Variants in TIAM1 observed in about 807,000 individuals in gnomAD.
The protein encoded by TIAM1 is rho guanine nucleotide exchange factor TIAM1.
A neutral mutation model predicts 163.5 loss-of-function variants in TIAM1; 65 were observed. That is an observed-to-expected ratio of 0.40 (90% CI 0.33 to 0.49). TIAM1 has a LOEUF of 0.49. Among genes scored for constraint, TIAM1 ranks in the 20% least tolerant of loss-of-function variants. TIAM1 has a pLI of 0.77. For missense variants in TIAM1, 1,789 were observed against 2,044.7 expected (o/e 0.87, Z 2.41); for synonymous variants, 833 against 810.1 (o/e 1.03, Z -0.48).
At chr21:31,127,037 G>A (rs565855022) in intron 26 of TIAM1, 28 bp downstream of exon 26, 137 of 1,610,198 alleles carry the variant, frequency 8.5e-5, no homozygotes, top group South Asian at 8.5e-4. Context: ...ATGTCAACAC[G>A]GCCTCGACTT....
At chr21:31,445,654 C>T (rs1301416430) in intron 2 of TIAM1, among the ~76,000 whole-genome samples, 2 of 152,160 alleles carry the variant, frequency 1.3e-5, no homozygotes, top group African/African-American at 4.8e-5. Context: ...ATCCAAAGAC[C>T]TGTTCTCTTC....
chr21:31,201,942 A>T (rs1489770693), intron 12 of TIAM1, among the ~76,000 whole-genome samples: 1 of 152,212 alleles, frequency 6.6e-6, no homozygotes, highest in Admixed American at 6.5e-5. Context: ...AAGTAAGCAT[A>T]TTATCTCTAA....
At chr21:31,440,532 C>A (rs938758772) in intron 2 of TIAM1, among the ~76,000 whole-genome samples, 7 of 152,148 alleles carry the variant, frequency 4.6e-5, no homozygotes, top group Non-Finnish European at 8.8e-5. Context: ...TGTCCTGGTC[C>A]CAGATCAGTG....
intron 2 of TIAM1, among the ~76,000 whole-genome samples, chr21:31,298,340 T>C (rs2074369328): frequency 6.6e-6 from 1 of 152,236 alleles, no homozygotes; most frequent in Non-Finnish European, 1.5e-5. Flanking sequence ...TAGTGTTTTC[T>C]AAACTTTCTT....
At chr21:31,444,872 C>T (rs1017364856) in intron 2 of TIAM1, among the ~76,000 whole-genome samples, 4 of 152,126 alleles carry the variant, frequency 2.6e-5, no homozygotes, top group African/African-American at 7.2e-5. Context: ...GTCGCACATG[C>T]CTGTAATCCC....
chr21:31,222,701 ATATATATTTTTTTTTTT>A (rs1272280586), intron 8 of TIAM1, among the ~76,000 whole-genome samples: 119 of 46,394 alleles, frequency 2.6e-3, no homozygotes, highest in African/African-American at 0.012. Flanking sequence ...ATATATATAT[ATATATATTTTTTTTTTT>A]TTTTTTTTTT....
chr21:31,337,248 A>G (rs1413462227), intron 2 of TIAM1, among the ~76,000 whole-genome samples: 1 of 152,140 alleles, frequency 6.6e-6, no homozygotes, highest in African/African-American at 2.4e-5. Flanking sequence ...CCAGGGCAAG[A>G]TAAGACCTCA....
intron 6 of TIAM1, among the ~76,000 whole-genome samples, chr21:31,234,838 T>A (rs767081486): frequency 4.0e-5 from 6 of 150,802 alleles, no homozygotes; most frequent in Non-Finnish European, 8.9e-5. Context: ...TAAAAAAGGA[T>A]CAGAACACCA....
At chr21:31,199,261 G>A (rs933766413) in intron 12 of TIAM1, among the ~76,000 whole-genome samples, 2 of 152,090 alleles carry the variant, frequency 1.3e-5, no homozygotes, top group Non-Finnish European at 2.9e-5. Flanking sequence ...GCCTTCTATG[G>A]GCCCTGGCTG....
intron 2 of TIAM1, among the ~76,000 whole-genome samples, chr21:31,411,768 GC>G (rs2077362847): frequency 6.6e-6 from 1 of 152,142 alleles, no homozygotes; most frequent in African/African-American, 2.4e-5. Flanking sequence ...GAGCTACCAT[GC>G]CCAGCCCCAA....
intron 2 of TIAM1, among the ~76,000 whole-genome samples, chr21:31,314,174 G>C (rs762201663): frequency 1.3e-5 from 2 of 152,296 alleles, no homozygotes; most frequent in South Asian, 2.1e-4. Context: ...AGAAAAGTGA[G>C]GCCAAGGAGG....
Position 31,215,708 on chromosome 21 carries a change from AT to A in TIAM1, c.2142+1844del, listed in dbSNP as rs1246071882. On this transcript the variant is annotated intron_variant, in intron 9 of 27. Transcript: ENST00000541036. The stretch of plus-strand genomic sequence containing the variant: ...CTTTCCTCCACAGTTTTTTCTTTAG[AT>A]TTACATAAAAGTAAAACCCATGGAA... 7.3e-5 allele frequency among the ~76,000 whole-genome samples: 11 copies of A among 151,450 alleles called. No individual in the cohort carries two copies. In the East Asian group the frequency reaches 2.1e-3, roughly 29 times the overall value.
At chr21:31,332,826 T>A (rs2075720269) in intron 2 of TIAM1, among the ~76,000 whole-genome samples, 1 of 151,274 alleles carries the variant, frequency 6.6e-6, no homozygotes, top group Admixed American at 6.6e-5. Flanking sequence ...GTTAGAGCTC[T>A]TCATGACTAA....
At chr21:31,172,221 A>ATTGT (rs774426777) in intron 15 of TIAM1, among the ~76,000 whole-genome samples, 15 of 152,068 alleles carry the variant, frequency 9.9e-5, no homozygotes, top group Non-Finnish European at 2.1e-4. Context: ...GGGAAAGGGC[A>ATTGT]TTGTTCTCAC....
intron 2 of TIAM1, among the ~76,000 whole-genome samples, chr21:31,444,269 G>A (rs1411325341): frequency 2.0e-5 from 3 of 152,024 alleles, no homozygotes; most frequent in South Asian, 2.1e-4. Context: ...TGTCGTTCAC[G>A]GCGTGGCGCT....
At chr21:31,228,397 T>C (rs1250549980) in intron 6 of TIAM1, among the ~76,000 whole-genome samples, 2 of 152,024 alleles carry the variant, frequency 1.3e-5, no homozygotes, top group Non-Finnish European at 2.9e-5. Context: ...GGATATTACC[T>C]ACTAAAGTTG....
intron 2 of TIAM1, among the ~76,000 whole-genome samples, chr21:31,362,295 T>C (rs1048126147): frequency 2.0e-5 from 3 of 151,992 alleles, no homozygotes; most frequent in Admixed American, 2.0e-4. Context: ...GTTATGGACA[T>C]GACAATTCCA....
intron 1 of TIAM1, among the ~76,000 whole-genome samples, chr21:31,527,848 G>A (rs1041378916): frequency 2.6e-5 from 4 of 152,196 alleles, no homozygotes; most frequent in South Asian, 2.1e-4. Context: ...ATCACATTGA[G>A]TCCCCTGATC....
intron 2 of TIAM1, among the ~76,000 whole-genome samples, chr21:31,454,679 C>T (rs182849343): frequency 6.6e-6 from 1 of 152,194 alleles, no homozygotes; most frequent in East Asian, 1.9e-4. Context: ...TGCCAGTTGA[C>T]CAAATAAGTA....
Sources: allele counts gnomAD v4.1 joint callset (sites outside exome capture counted in the v4.1 genomes callset), GRCh38; gene constraint gnomAD v4.1.1; transcripts MANE v1.5; gene names NCBI Gene and HGNC (gene_info 2026-07-23, HGNC 2026-07-21).